The following NOVA1 variants were observed in gnomAD, a reference collection of about 807,000 sequenced individuals.
The protein encoded by NOVA1 is NOVA alternative splicing regulator 1.
NOVA1 carries 7 observed loss-of-function variants against 38.0 expected under a neutral mutation model. The observed-to-expected ratio is 0.18, with a 90% CI of 0.10 to 0.35. The LOEUF is 0.35. Among genes scored for constraint, NOVA1 ranks in the 10% least tolerant of loss-of-function variants. The pLI is 1.00. For synonymous variants in NOVA1, 270 were observed against 232.5 expected (o/e 1.16, Z -1.47); for missense variants, 460 against 616.0 (o/e 0.75, Z 2.68).
intron 2 of NOVA1, among the ~76,000 whole-genome samples, chr14:26,570,387 TA>T (rs59758061): frequency 0.2 from 28,479 of 144,934 alleles, 2,874 homozygotes; most frequent in East Asian, 0.34. Flanking sequence ...ACTATGAAAT[TA>T]AAAAAAAAAA....
chr14:26,539,532 T>A (rs1890316724), intron 2 of NOVA1, among the ~76,000 whole-genome samples: 1 of 87,434 alleles, frequency 1.1e-5, no homozygotes, highest in Non-Finnish European at 2.3e-5. Flanking sequence ...AGCTCTTATG[T>A]ATATATATGT....
chr14:26,499,005 A>G (rs958031267), intron 2 of NOVA1, among the ~76,000 whole-genome samples: 1 of 152,222 alleles, frequency 6.6e-6, no homozygotes, highest in African/African-American at 2.4e-5. Context: ...AAGGTCAAAT[A>G]TATAGAGATA....
At chr14:26,501,587 CATT>C (rs1424155984) in intron 2 of NOVA1, among the ~76,000 whole-genome samples, 1 of 151,606 alleles carries the variant, frequency 6.6e-6, no homozygotes, top group Admixed American at 6.6e-5. Flanking sequence ...TTTATCTTCT[CATT>C]AATACATCTA....
At chr14:26,569,401 G>A (rs188374528) in intron 2 of NOVA1, among the ~76,000 whole-genome samples, 67 of 152,088 alleles carry the variant, frequency 4.4e-4, no homozygotes, top group Admixed American at 1.2e-3. Flanking sequence ...GATTAAATAG[G>A]AGCAGCAAAT....
chr14:26,452,689 C>T (rs542429580), intron 4 of NOVA1, among the ~76,000 whole-genome samples: 3 of 152,292 alleles, frequency 2.0e-5, no homozygotes, highest in African/African-American at 4.8e-5. Flanking sequence ...TCTTCAACGG[C>T]ATACCAATTA....
Position 26,448,680 on chromosome 14 carries a change from G to T in NOVA1, c.803C>A (p.Thr268Asn). ...VTGPVANSNPTGSPYANTAEV... is the reference protein window; with the variant it reads ...VTGPVANSNPNGSPYANTAEV... The stretch of plus-strand genomic sequence containing the variant: ...AGCAGTGTTTGCATAAGGAGATCCG[G>T]TTGGATTGGAATTTGCCACTGGACC... Residue 268 changes from threonine to asparagine, a missense_variant, in exon 5 of 5, where the codon ACC becomes AAC. Transcript: ENST00000539517. This position sits in a 1 kb window ranked among gnomAD's most constrained non-coding sequence, Gnocchi z 5.3. The T allele has an allele frequency of 6.2e-7, 1 of 1,614,214 alleles. No homozygotes were observed. The highest frequency in any genetic ancestry group is 8.5e-7 in the Non-Finnish European group (1 of 1,180,034).
intron 2 of NOVA1, among the ~76,000 whole-genome samples, chr14:26,512,560 T>C (rs2138461105): frequency 6.6e-6 from 1 of 152,314 alleles, no homozygotes; most frequent in South Asian, 2.1e-4. Flanking sequence ...TTTTAAATTA[T>C]GTAATGTTAA....
chr14:26,553,212 G>A (rs1005827767), intron 2 of NOVA1, among the ~76,000 whole-genome samples: 4 of 152,118 alleles, frequency 2.6e-5, no homozygotes, highest in Admixed American at 6.6e-5. Context: ...AATTAGAACC[G>A]AAGGCTAAGA....
chr14:26,566,586 T>C (rs944860106), intron 2 of NOVA1, among the ~76,000 whole-genome samples: 5 of 152,102 alleles, frequency 3.3e-5, no homozygotes, highest in African/African-American at 7.2e-5. Context: ...ACATCTTCCT[T>C]ATCATCTATT....
chr14:26,528,832 C>T (rs899201466), intron 2 of NOVA1, among the ~76,000 whole-genome samples: 1 of 152,170 alleles, frequency 6.6e-6, no homozygotes, highest in Non-Finnish European at 1.5e-5. Flanking sequence ...TAAGGAAAGA[C>T]AAACTCTTTT....
chr14:26,456,847 C>G (rs1191759674), intron 4 of NOVA1, among the ~76,000 whole-genome samples: 3 of 151,690 alleles, frequency 2.0e-5, no homozygotes, highest in Admixed American at 6.6e-5. Flanking sequence ...AGTCAAAACA[C>G]TAAATGTCAT....
chr14:26,450,473 T>C (rs1052947202), intron 4 of NOVA1, among the ~76,000 whole-genome samples: 2 of 152,130 alleles, frequency 1.3e-5, no homozygotes, highest in Admixed American at 1.3e-4. Flanking sequence ...CATTACAATT[T>C]ATTAATACAA....
chr14:26,552,707 C>T (rs1891234851), intron 2 of NOVA1, among the ~76,000 whole-genome samples: 1 of 152,034 alleles, frequency 6.6e-6, no homozygotes, highest in Non-Finnish European at 1.5e-5. Flanking sequence ...ATATAACTAA[C>T]TATTAAATAT....
rs944633776 is a variant in NOVA1, at chr14:26,597,213, G to A, written c.136+88C>T. 6 of 1,105,314 alleles carry A rather than the reference G, an allele frequency of 5.4e-6. 1 individual carries two copies. The Middle Eastern group carries it at 9.9e-4, about 183-fold the overall frequency. 68.5% of individuals were successfully genotyped at this position (1,105,314 alleles called of 1,614,324 possible). ...GTGTCCGGGCCGCGGGAGGGAGGGA[G>A]GGAAGGAGGGAGGGAGGACGGCGAG... On this transcript the variant is annotated intron_variant, in intron 1 of 4. Transcript: ENST00000539517.
chr14:26,553,851 TAGA>T (rs1891313826), intron 2 of NOVA1, among the ~76,000 whole-genome samples: 1 of 151,976 alleles, frequency 6.6e-6, no homozygotes. Flanking sequence ...CCCGTCCTCA[TAGA>T]AGGAGGACTA....
intron 2 of NOVA1, among the ~76,000 whole-genome samples, chr14:26,579,053 C>CTTTTTTTTTTTTTTTTT (rs869075814): frequency 1.2e-5 from 1 of 80,076 alleles, no homozygotes; most frequent in Non-Finnish European, 2.1e-5. Context: ...AGGTGGTATT[C>CTTTTTTTTTTTTTTTTT]TTTTTTTTTT....
intron 3 of NOVA1, among the ~76,000 whole-genome samples, chr14:26,475,709 A>T (rs1216441228): frequency 5.3e-5 from 8 of 152,224 alleles, no homozygotes; most frequent in Non-Finnish European, 1.5e-5. Context: ...ATTTTAAAAC[A>T]GTGGATCTTT....
intron 2 of NOVA1, among the ~76,000 whole-genome samples, chr14:26,513,689 T>A (rs967370173): frequency 1.3e-5 from 2 of 149,572 alleles, no homozygotes; most frequent in African/African-American, 2.5e-5. Context: ...TTTTATTTAA[T>A]AAAAAAACAG....
intron 2 of NOVA1, among the ~76,000 whole-genome samples, chr14:26,526,515 C>T (rs922864965): frequency 1.3e-5 from 2 of 152,038 alleles, no homozygotes; most frequent in Middle Eastern, 3.4e-3. Context: ...AAAAGCCCAG[C>T]GCTGTTTACA....
Sources: gnomAD v4.1 joint callset for allele counts (sites outside exome capture counted in the v4.1 genomes callset) on GRCh38, gnomAD v4.1.1 for gene constraint, Gnocchi (gnomAD v3.1) non-coding constraint, MANE v1.5 for transcripts, NCBI Gene and HGNC (gene_info 2026-07-23, HGNC 2026-07-21) for gene names.